LARGE2: variants seen among roughly 807,000 people sequenced by gnomAD.
LARGE2 encodes the protein xylosyl- and glucuronyltransferase LARGE2.
In LARGE2, 63 loss-of-function variants were observed where a neutral mutation model predicts 75.3. The observed-to-expected ratio is 0.84, with a 90% CI of 0.68 to 1.03. The LOEUF (loss-of-function observed/expected upper bound fraction) is 1.03. Among genes scored for constraint, LARGE2 ranks in the 50% least tolerant of loss-of-function variants. The probability of loss-of-function intolerance (pLI) is 0.00; values close to 1 mark genes in which losing one functional copy is unlikely to be tolerated. For missense variants in LARGE2, 925 were observed against 980.6 expected (o/e 0.94, Z 0.76); for synonymous variants, 428 against 420.1 (o/e 1.02, Z -0.23).
At position 45,926,504 on chromosome 11, in the gene LARGE2, C is replaced by T. The variant is rs1238187842; in HGVS notation, c.1071C>T (p.Arg357=). The T allele has an allele frequency of 1.9e-6, 3 of 1,614,016 alleles. No individual in the cohort carries two copies. The African/African-American group carries it at 4.0e-5, about 22-fold the overall frequency. ...AGAACAAGCATGTGGAATTCTTCCG[C>T]AATTTCTACCTGACCTTCCTGGAGT... ...RVKNKHVEFF[R]NFYLTFLEYD... is the part of the protein sequence containing the mutation. Residue 357 remains arginine, a synonymous_variant, in exon 9 of 14, where the codon CGC becomes CGT. Coordinates refer to ENST00000401752, the MANE Select transcript of LARGE2 (RefSeq NM_001300721.2).
chr11:45,923,029 C>A lies in LARGE2; in HGVS notation c.147C>A (p.Pro49=). 7.2e-7 allele frequency: 1 copy of A among 1,396,592 alleles called. No individual in the cohort carries two copies. The highest frequency in any genetic ancestry group is 1.6e-5 in the South Asian group (1 of 64,490). 86.5% of individuals were successfully genotyped at this position (1,396,592 alleles called of 1,614,324 possible). A position where few individuals can be genotyped will look rare whatever the true frequency, so the allele number is the denominator to read the frequency against. ...GGRAGAPGCF[P]GPLMPRVPPD... ...GAGCGGGGGCCCCGGGATGCTTCCC[C>A]GGCCCGCTCATGCCACGTGTCCCCC... is the stretch of plus-strand genomic sequence containing the variant. Residue 49 remains proline, a synonymous_variant, in exon 2 of 14, where the codon CCC becomes CCA. Coordinates refer to ENST00000401752, the MANE Select transcript of LARGE2 (RefSeq NM_001300721.2).
Position 45,923,160 on chromosome 11 carries a change from A to C in LARGE2, c.278A>C (p.Lys93Thr), listed in dbSNP as rs1271429355. 3 of 1,337,854 alleles carry C rather than the reference A, an allele frequency of 2.2e-6. No homozygotes were observed. The highest frequency in any genetic ancestry group is 2.8e-6 in the Non-Finnish European group (3 of 1,053,480). 82.9% of individuals were successfully genotyped at this position (1,337,854 alleles called of 1,614,324 possible). A position where few individuals can be genotyped will look rare whatever the true frequency, so the allele number is the denominator to read the frequency against. Residue 93 changes from lysine (K) to threonine (T), a missense_variant, in exon 2 of 14, where the codon AAG becomes ACG. Lys to Thr is a moderately conservative substitution (Grantham distance 78, BLOSUM62 -1). Transcript: ENST00000401752. ...GGCCCGCAGCCGCCGCCGCCGCCCAAGTGCGAGGTAGGTGCGCGCGGCCCT... is the reference window on the plus strand; with the variant it reads ...GGCCCGCAGCCGCCGCCGCCGCCCACGTGCGAGGTAGGTGCGCGCGGCCCT... The part of the protein sequence containing the change: ...DCGPQPPPPP[K>T]CELLHVAIVC...
rs761025269 is a variant in LARGE2 at position 45,928,408 on chromosome 11, C to T, written c.1950+36C>T. The T allele has an allele frequency of 3.7e-5, 60 of 1,600,786 alleles. 1 individual carries two copies. Among genetic ancestry groups the T allele is most frequent in the South Asian group, 1.4e-4 (13 of 89,938 alleles). ...CACCTTGCTGCCTCCACCTTTGACT[C>T]GAGCACCTCCAGGTCCAGGGAACTC... On this transcript the variant is annotated intron_variant, in intron 13 of 13. Transcript: ENST00000401752.
At position 45,928,854 on chromosome 11, in the gene LARGE2, C is replaced by T. The variant is rs374733403; in HGVS notation, c.*9C>T. ...GCCCTGCCCGAGGCTGAGGCTGGGC[C>T]GGCGCTGCCCCTCATCTTAGCATTG... On this transcript the variant is annotated 3_prime_UTR_variant, in exon 14 of 14. Coordinates refer to ENST00000401752, the MANE Select transcript of LARGE2 (RefSeq NM_001300721.2). 275 of 1,612,668 alleles carry T rather than the reference C, an allele frequency of 1.7e-4. 1 individual carries two copies. Among genetic ancestry groups the T allele is most frequent in the South Asian group, 9.3e-4 (85 of 91,036 alleles).
chr11:45,926,337 C>T lies in LARGE2; in HGVS notation c.998C>T (p.Ser333Phe). 23 of 1,614,204 alleles carry T rather than the reference C, an allele frequency of 1.4e-5. No individual in the cohort carries two copies. The highest frequency in any genetic ancestry group is 1.9e-5 in the Non-Finnish European group (22 of 1,180,034). ...GCCGAGCGCTGCTACTCTGAGGCGT[C>T]TGACCTCAAGGTGAGTGGGACAAGA... is the stretch of plus-strand genomic sequence containing the variant. ...TLAERCYSEA[S>F]DLKVIHWNSP... The change falls in exon 8 of 14, where the codon TCT becomes TTT. Residue 333 changes from serine (S) to phenylalanine (F), a missense_variant. Around this residue, in one of 3 missense-constraint regions of LARGE2, gnomAD observed 453 missense variants for 460.2 expected, o/e 0.98. Transcript: ENST00000401752.
chr11:45,924,253 C>A lies in LARGE2; in HGVS notation c.468C>A (p.Ser156Arg). ...HTWMVPAVRVSFYHADQLKPQ... is the reference protein window; with the variant it reads ...HTWMVPAVRVRFYHADQLKPQ... ...GGATGGTGCCTGCTGTCCGTGTCAG[C>A]TTTTATCATGCCGACCAGCTCAAGG... The change falls in exon 4 of 14, where the codon AGC (serine) becomes AGA (arginine). Residue 156 changes from serine (S) to arginine (R), a missense_variant. Ser to Arg is a moderately radical substitution (Grantham distance 110). Transcript: ENST00000401752. 1 of 1,613,536 alleles carries A rather than the reference C, an allele frequency of 6.2e-7. No homozygotes were observed. Among genetic ancestry groups the A allele is most frequent in the Non-Finnish European group, 8.5e-7 (1 of 1,180,014 alleles).
At chr11:45,927,664 C>G in intron 11 of LARGE2, 71 bp downstream of exon 11, 1 of 1,570,548 alleles carries the variant, frequency 6.4e-7, no homozygotes, top group Non-Finnish European at 8.6e-7. Context: ...GGACCCCAGG[C>G]TTCCATGTCC....
In LARGE2 at chr11:45,924,179, G is replaced by T. The variant is rs758726710; in HGVS notation, c.394G>T (p.Val132Leu). ...YRKNPLHLHL[V>L]TDAVARNILE... ...GAAAAATCCACTGCACCTCCACTTGGTGACTGACGCCGTGGCCAGAAACAT... is the reference window on the plus strand; with the variant it reads ...GAAAAATCCACTGCACCTCCACTTGTTGACTGACGCCGTGGCCAGAAACAT... The change falls in exon 4 of 14, where the codon GTG becomes TTG. Residue 132 changes from valine to leucine, a missense_variant. This residue lies in a region of LARGE2 where 453 missense variants were observed against 460.2 expected (regional missense o/e 0.98). Transcript: ENST00000401752. 1.2e-6 allele frequency: 2 copies of T among 1,612,236 alleles called. No individual in the cohort carries two copies. The highest frequency in any genetic ancestry group is 2.2e-5 in the East Asian group (1 of 44,828).
chr11:45,926,958 C>A, intron 10 of LARGE2, 87 bp downstream of exon 10: 2 of 1,350,138 alleles, frequency 1.5e-6, no homozygotes, highest in Non-Finnish European at 2.0e-6. Flanking sequence ...CAGCCTGATG[C>A]TGTGGTAGTG....
chr11:45,923,976 A>C (rs1229372252), intron 3 of LARGE2, among the ~76,000 whole-genome samples, 178 bp from the exon 4 acceptor site: 3 of 103,270 alleles, frequency 2.9e-5, no homozygotes, highest in African/African-American at 7.7e-5. Flanking sequence ...ACAGAGCGAG[A>C]CTCCGTCTCA....
At chr11:45,928,411 G>A (rs952578325) in intron 13 of LARGE2, 39 bp downstream of exon 13, 1 of 1,599,720 alleles carries the variant, frequency 6.3e-7, no homozygotes, top group South Asian at 1.1e-5. Flanking sequence ...TTTGACTCGA[G>A]CACCTCCAGG....
At chr11:45,925,664 A>G (rs181871819) in intron 6 of LARGE2, among the ~76,000 whole-genome samples, 6 of 152,148 alleles carry the variant, frequency 3.9e-5, no homozygotes, top group Non-Finnish European at 8.8e-5. Context: ...TCATACATAA[A>G]TAAGTAAATA....
Position 45,926,843 on chromosome 11 carries a change from A to T in LARGE2, c.1297A>T (p.Thr433Ser). ...GCCACCCCCCCGGCCTCACGATGTC[A>T]CCCTTGTGGCCCAGCTGTCCATGGA... The part of the protein sequence containing the change: ...EPPPPRPHDV[T>S]LVAQLSMDRL... Residue 433 changes from threonine (T) to serine (S), a missense_variant, in exon 10 of 14, where the codon ACC becomes TCC. Transcript: ENST00000401752. 1.2e-6 allele frequency: 2 copies of T among 1,612,240 alleles called. No individual in the cohort carries two copies. The highest frequency in any genetic ancestry group is 8.5e-7 in the Non-Finnish European group (1 of 1,179,722).
In LARGE2 at chr11:45,923,177, C is replaced by G; in HGVS notation, c.285+10C>G. ...GCCGCCCAAGTGCGAGGTAGGTGCG[C>G]GCGGCCCTGGCGGCGGGAGTCCTGG... On this transcript the variant is annotated intron_variant, in intron 2 of 13. Transcript: ENST00000401752. The G allele has an allele frequency of 7.5e-7, 1 of 1,329,768 alleles. No homozygotes were observed. The highest frequency in any genetic ancestry group is 9.5e-7 in the Non-Finnish European group (1 of 1,048,690). 82.4% of individuals were successfully genotyped at this position (1,329,768 alleles called of 1,614,324 possible).
At chr11:45,925,712 G>C (rs531910728) in intron 6 of LARGE2, among the ~76,000 whole-genome samples, 2 of 152,064 alleles carry the variant, frequency 1.3e-5, no homozygotes, top group East Asian at 3.9e-4. Flanking sequence ...GGATAGGTGT[G>C]GTGGCATGCC....
Position 45,928,221 on chromosome 11 carries a change from G to A in LARGE2, c.1799G>A (p.Arg600His), listed in dbSNP as rs781347376. Residue 600 changes from arginine to histidine, a missense_variant, in exon 13 of 14, where the codon CGC (arginine) becomes CAC (histidine). Around this residue, in one of 3 missense-constraint regions of LARGE2, gnomAD observed 469 missense variants for 503.8 expected, o/e 0.93. Coordinates refer to ENST00000401752, the MANE Select transcript of LARGE2 (RefSeq NM_001300721.2). ...PRGHAPTDYA[R>H]WREAQAPYRV... ...GGCCACGCACCCACAGACTATGCCC[G>A]CTGGCGGGAGGCTCAGGCCCCGTAC... 123 of 1,613,734 alleles carry A rather than the reference G, an allele frequency of 7.6e-5. No homozygotes were observed. The highest frequency in any genetic ancestry group is 1.2e-4 in the African/African-American group (9 of 74,950).
intron 1 of LARGE2, 36 bp downstream of exon 1, chr11:45,922,764 G>C (rs1337133691): frequency 1.2e-6 from 1 of 839,198 alleles, no homozygotes; most frequent in Non-Finnish European, 1.6e-6. Flanking sequence ...CGCACAACCC[G>C]GCCGTCGGGC....
rs757385856 is a variant in LARGE2 at position 45,923,568 on chromosome 11, G to T, written c.368+13G>T. 43 of 1,612,258 alleles carry T rather than the reference G, an allele frequency of 2.7e-5. No individual in the cohort carries two copies. The highest frequency in any genetic ancestry group is 3.6e-5 in the Non-Finnish European group (43 of 1,178,704). On this transcript the variant is annotated intron_variant, in intron 3 of 13. Transcript: ENST00000401752. ...TGCTCTTCTACAGGTACAGCCAGGT[G>T]TCCGTGGAGGAGGGTCAGGAGTGGG...
In LARGE2 at chr11:45,927,409, T is replaced by C; in HGVS notation, c.1420T>C (p.Phe474Leu). Residue 474 changes from phenylalanine (F) to leucine (L), a missense_variant, in exon 11 of 14, where the codon TTC (phenylalanine) becomes CTC (leucine). Physicochemically the swap from Phe to Leu is conservative, Grantham distance 22 (BLOSUM62 0). Transcript: ENST00000401752. ...TDAEAQQFLH[F>L]VEASPVLAAR... ...CGCAGAAGCTCAGCAGTTCCTGCAT[T>C]TCGTCGAGGCCTCACCAGTGCTTGC... 2.5e-6 allele frequency: 4 copies of C among 1,614,204 alleles called. No homozygotes were observed. Among genetic ancestry groups the C allele is most frequent in the Non-Finnish European group, 3.4e-6 (4 of 1,180,042 alleles).
Sources: gnomAD v4.1 joint callset for allele counts (sites outside exome capture counted in the v4.1 genomes callset) on GRCh38, gnomAD v4.1.1 for gene constraint, gnomAD v4.1.1 regional missense constraint, MANE v1.5 for transcripts, NCBI Gene and HGNC (gene_info 2026-07-23, HGNC 2026-07-21) for gene names.